DRC11: variants seen among roughly 807,000 people sequenced by gnomAD.
DRC11 encodes the protein IQ and AAA domain-containing protein 1.
At chr2:236,357,027 A>ATATTTATATATTCATATATTATATATC in the DRC11 span, among the ~76,000 whole-genome samples, 19 of 109,382 alleles carry the variant, frequency 1.7e-4, 1 homozygote, top group Non-Finnish European at 2.5e-4. Context: ...ATATATCTAT[A>ATATTTATATATTCATATATTATATATC]TATTTATATA....
At chr2:236,488,243 A>G in the DRC11 span, 28 of 1,343,122 alleles carry the variant, frequency 2.1e-5, no homozygotes, top group East Asian at 5.0e-4. Flanking sequence ...AACCACATCA[A>G]TTGATCCCAG....
At chr2:236,377,264 G>T in the DRC11 span, 2 of 831,190 alleles carry the variant, frequency 2.4e-6, no homozygotes, top group Non-Finnish European at 2.0e-6. This position sits in a 1 kb window ranked among gnomAD's most constrained non-coding sequence, Gnocchi z 4.9. Context: ...TCACATACGC[G>T]GAGAACTTAA....
chr2:236,457,070 C>T, the DRC11 span, among the ~76,000 whole-genome samples: 1 of 152,136 alleles, frequency 6.6e-6, no homozygotes, highest in Non-Finnish European at 1.5e-5. The surrounding 1 kb of genome is among the most constrained non-coding windows in gnomAD (Gnocchi z 4.7). Flanking sequence ...CAACCAAGAC[C>T]CCTTTACGAT....
At chr2:236,342,543 G>A in the DRC11 span, among the ~76,000 whole-genome samples, 3 of 152,192 alleles carry the variant, frequency 2.0e-5, no homozygotes, top group South Asian at 2.1e-4. This position sits in a 1 kb window ranked among gnomAD's most constrained non-coding sequence, Gnocchi z 5.8. Context: ...CTCTGGAGAC[G>A]CAGGAAGGCA....
At chr2:236,362,668 GCCCCAA>G in the DRC11 span, among the ~76,000 whole-genome samples, 63 of 152,166 alleles carry the variant, frequency 4.1e-4, no homozygotes, top group Non-Finnish European at 8.7e-4. This position sits in a 1 kb window ranked among gnomAD's most constrained non-coding sequence, Gnocchi z 5.7. Context: ...GGGGATTAGC[GCCCCAA>G]CCCCTGTGTT....
At chr2:236,341,603 G>A in the DRC11 span, among the ~76,000 whole-genome samples, 171 of 152,212 alleles carry the variant, frequency 1.1e-3, no homozygotes, top group Non-Finnish European at 1.8e-3. Context: ...GGGCCCCAAA[G>A]GCAGGTTTTG....
chr2:236,416,741 A>ATT, the DRC11 span, among the ~76,000 whole-genome samples: 7 of 55,980 alleles, frequency 1.3e-4, no homozygotes, highest in Non-Finnish European at 2.7e-4. Context: ...ATATATATAT[A>ATT]TATATATATA....
the DRC11 span, among the ~76,000 whole-genome samples, chr2:236,314,833 A>G: frequency 6.6e-6 from 1 of 152,350 alleles, no homozygotes; most frequent in East Asian, 1.9e-4. This position sits in a 1 kb window ranked among gnomAD's most constrained non-coding sequence, Gnocchi z 4.5. Context: ...TATCACTTTC[A>G]TGGACTGGAA....
At chr2:236,388,579 G>A in the DRC11 span, among the ~76,000 whole-genome samples, 203 of 147,970 alleles carry the variant, frequency 1.4e-3, no homozygotes, top group Non-Finnish European at 1.2e-3. Context: ...TTTTTTCAAA[G>A]TTTTCAACTT....
the DRC11 span, among the ~76,000 whole-genome samples, chr2:236,347,178 T>C: frequency 6.6e-6 from 1 of 152,192 alleles, no homozygotes; most frequent in African/African-American, 2.4e-5. Context: ...TTCTGCTGAA[T>C]GTGGGGGTGA....
the DRC11 span, among the ~76,000 whole-genome samples, chr2:236,421,312 G>A: frequency 6.6e-6 from 1 of 151,992 alleles, no homozygotes. Flanking sequence ...TAGACTGCTA[G>A]CAAGACTAAT....
chr2:236,378,146 C>A, the DRC11 span, among the ~76,000 whole-genome samples: 1 of 152,132 alleles, frequency 6.6e-6, no homozygotes, highest in East Asian at 1.9e-4. Flanking sequence ...TGACCCTAGT[C>A]TTTGGATGAC....
the DRC11 span, among the ~76,000 whole-genome samples, chr2:236,501,180 A>G: frequency 6.6e-6 from 1 of 152,166 alleles, no homozygotes; most frequent in East Asian, 1.9e-4. Context: ...GGGAGGTGCC[A>G]CACTCTTTTA....
chr2:236,362,302 A>C, the DRC11 span, among the ~76,000 whole-genome samples: 1 of 152,328 alleles, frequency 6.6e-6, no homozygotes, highest in Admixed American at 6.5e-5. The surrounding 1 kb of genome is among the most constrained non-coding windows in gnomAD (Gnocchi z 5.7). Context: ...GTGTGGGTGC[A>C]TATATACACA....
chr2:236,383,286 T>C, the DRC11 span, among the ~76,000 whole-genome samples: 6 of 152,196 alleles, frequency 3.9e-5, no homozygotes, highest in African/African-American at 1.4e-4. Flanking sequence ...TCTTTGACAT[T>C]GGTTGTAATT....
the DRC11 span, chr2:236,441,229 G>A: frequency 1.3e-6 from 1 of 798,958 alleles, no homozygotes; most frequent in Non-Finnish European, 2.1e-6. Context: ...GTCATTAAGG[G>A]TGGAGGGTTC....
chr2:236,487,866 T>C, the DRC11 span: 1 of 538,460 alleles, frequency 1.9e-6, no homozygotes, highest in Non-Finnish European at 3.0e-6. Context: ...TTAATAAATC[T>C]TTCTGGAATG....
At chr2:236,486,654 C>T in the DRC11 span, among the ~76,000 whole-genome samples, 6 of 152,278 alleles carry the variant, frequency 3.9e-5, no homozygotes, top group South Asian at 2.1e-4. The surrounding 1 kb of genome is among the most constrained non-coding windows in gnomAD (Gnocchi z 5.7). Context: ...ATGGATATAA[C>T]CCTGATCTCT....
chr2:236,453,442 C>G, the DRC11 span, among the ~76,000 whole-genome samples: 2 of 152,172 alleles, frequency 1.3e-5, no homozygotes, highest in Admixed American at 6.5e-5. This position sits in a 1 kb window ranked among gnomAD's most constrained non-coding sequence, Gnocchi z 4.9. Context: ...CATACATCTC[C>G]AAATGACACA....
Sources: allele counts gnomAD v4.1 joint callset (sites outside exome capture counted in the v4.1 genomes callset), GRCh38; gene constraint gnomAD v4.1.1; non-coding constraint Gnocchi (gnomAD v3.1); transcripts MANE v1.5; gene names NCBI Gene and HGNC (gene_info 2026-07-23, HGNC 2026-07-21).